Variants in FHOD3 observed in about 807,000 individuals in gnomAD.
The protein encoded by FHOD3 is FH1/FH2 domain-containing protein 3.
A neutral mutation model predicts 173.0 loss-of-function variants in FHOD3; 90 were observed. The observed-to-expected ratio is 0.52, with a 90% CI of 0.44 to 0.62. The LOEUF (loss-of-function observed/expected upper bound fraction) is 0.62, where lower values mean the gene tolerates loss of function less well. FHOD3 is among the 20% of genes least tolerant of loss of function. The pLI is 0.00. For synonymous variants in FHOD3, 828 were observed against 823.0 expected (o/e 1.01, Z -0.10); for missense variants, 1,945 against 2,034.7 (o/e 0.96, Z 0.85).
At chr18:36,492,521 A>T (rs2054522795) in intron 3 of FHOD3, among the ~76,000 whole-genome samples, 1 of 152,198 alleles carries the variant, frequency 6.6e-6, no homozygotes, top group Non-Finnish European at 1.5e-5. Context: ...AACGGCTGAG[A>T]CTGTTTTCAT....
intron 23 of FHOD3, among the ~76,000 whole-genome samples, chr18:36,745,579 A>G (rs2042111896): frequency 6.6e-6 from 1 of 152,078 alleles, no homozygotes; most frequent in Non-Finnish European, 1.5e-5. Context: ...GTGGGCCTGG[A>G]GGTCTGAAGT....
At chr18:36,630,599 A>G (rs1253077280) in intron 10 of FHOD3, among the ~76,000 whole-genome samples, 18 of 152,190 alleles carry the variant, frequency 1.2e-4, no homozygotes, top group African/African-American at 3.9e-4. Flanking sequence ...AGAGAGAACA[A>G]TGATTATATA....
At chr18:36,602,583 TG>T in intron 7 of FHOD3, 90 bp from the exon 8 acceptor site, 1 of 967,444 alleles carries the variant, frequency 1.0e-6, no homozygotes, top group Non-Finnish European at 1.7e-6. Context: ...CTGCCATCAC[TG>T]GATACGTCCT....
intron 5 of FHOD3, among the ~76,000 whole-genome samples, chr18:36,513,181 T>TA (rs59461055): frequency 0.021 from 2,943 of 141,810 alleles, 50 homozygotes; most frequent in African/African-American, 0.043. Context: ...TTTGATCCTG[T>TA]AAAAAAAAAA....
chr18:36,451,815 G>A (rs1201393858), intron 3 of FHOD3, among the ~76,000 whole-genome samples: 1 of 152,172 alleles, frequency 6.6e-6, no homozygotes, highest in Non-Finnish European at 1.5e-5. Flanking sequence ...GCTCCTGTTT[G>A]TCCGTCATGT....
chr18:36,642,339 G>C (rs9952541), intron 10 of FHOD3, among the ~76,000 whole-genome samples: 10,747 of 152,012 alleles, frequency 0.071, 645 homozygotes, highest in East Asian at 0.24. Flanking sequence ...CTAATTGTAG[G>C]CCAGGCGCAG....
chr18:36,661,118 G>T (rs998150132), intron 14 of FHOD3, among the ~76,000 whole-genome samples: 3 of 150,372 alleles, frequency 2.0e-5, no homozygotes, highest in Non-Finnish European at 4.4e-5. Context: ...TTTTGTAAGT[G>T]GGGGAAAAAA....
chr18:36,744,455 C>T (rs1360733793), intron 23 of FHOD3, among the ~76,000 whole-genome samples: 10 of 152,250 alleles, frequency 6.6e-5, no homozygotes, highest in East Asian at 5.8e-4. Flanking sequence ...CTAAACCCTG[C>T]GTCCACTGTT....
chr18:36,594,930 G>A, intron 7 of FHOD3, 32 bp downstream of exon 7: 1 of 1,423,872 alleles, frequency 7.0e-7, no homozygotes, highest in Non-Finnish European at 9.9e-7. Context: ...ATGTCATGAA[G>A]GTGAAGGTGT....
At chr18:36,770,176 C>T (rs937394369) in intron 28 of FHOD3, among the ~76,000 whole-genome samples, 1 of 152,204 alleles carries the variant, frequency 6.6e-6, no homozygotes, top group Non-Finnish European at 1.5e-5. Flanking sequence ...CAGAAGAGCA[C>T]TCAGCCAGCC....
chr18:36,426,515 G>A (rs1474403333), intron 3 of FHOD3, among the ~76,000 whole-genome samples: 2 of 152,200 alleles, frequency 1.3e-5, no homozygotes, highest in Admixed American at 6.5e-5. Context: ...CTGAGGAATT[G>A]TGGGGACTGG....
At chr18:36,377,208 G>A (rs966352899) in intron 3 of FHOD3, among the ~76,000 whole-genome samples, 6 of 152,148 alleles carry the variant, frequency 3.9e-5, no homozygotes, top group African/African-American at 1.4e-4. Context: ...ACCCTTTCCA[G>A]GTTCTGCCCT....
chr18:36,446,721 C>T (rs1308460419), intron 3 of FHOD3, among the ~76,000 whole-genome samples: 1 of 152,110 alleles, frequency 6.6e-6, no homozygotes, highest in Non-Finnish European at 1.5e-5. Context: ...TCTTGTTATC[C>T]CTCACCCCCA....
At chr18:36,542,916 A>G (rs1353944340) in intron 5 of FHOD3, among the ~76,000 whole-genome samples, 4 of 152,236 alleles carry the variant, frequency 2.6e-5, no homozygotes, top group African/African-American at 7.2e-5. Context: ...AGCTGGACCA[A>G]TGTCCCTAAA....
Position 36,742,873 on chromosome 18 carries a change from C to T in FHOD3, c.3879+17C>T. On this transcript the variant is annotated intron_variant, in intron 22 of 28. Transcript: ENST00000590592. The stretch of plus-strand genomic sequence containing the variant: ...GGAACTAATGTAAGTCATCCCCATC[C>T]CTCATCCTGTAGCCCCCCCTTGTCA... 1.2e-6 allele frequency: 2 copies of T among 1,605,118 alleles called. No homozygotes were observed. The highest frequency in any genetic ancestry group is 1.7e-6 in the Non-Finnish European group (2 of 1,176,848).
chr18:36,303,412 G>T (rs2092006928), intron 1 of FHOD3, among the ~76,000 whole-genome samples: 1 of 152,192 alleles, frequency 6.6e-6, no homozygotes, highest in Non-Finnish European at 1.5e-5. Context: ...TCACAGTGCT[G>T]TGATTTAAGT....
intron 3 of FHOD3, among the ~76,000 whole-genome samples, chr18:36,388,377 T>C (rs2048129021): frequency 6.6e-6 from 1 of 152,116 alleles, no homozygotes; most frequent in Non-Finnish European, 1.5e-5. Flanking sequence ...CCCAGTCCCA[T>C]GAGAAGGCCT....
chr18:36,501,833 C>G, intron 3 of FHOD3, 99 bp from the exon 4 acceptor site: 1 of 829,464 alleles, frequency 1.2e-6, no homozygotes, highest in Non-Finnish European at 1.9e-6. Context: ...CTTTCATTAC[C>G]TTTCCAGGGA....
intron 28 of FHOD3, among the ~76,000 whole-genome samples, chr18:36,777,349 G>A (rs1343295522): frequency 1.3e-5 from 2 of 151,840 alleles, no homozygotes; most frequent in African/African-American, 4.8e-5. Context: ...CTACAGATGT[G>A]TGCCACCATG....
Sources: allele counts gnomAD v4.1 joint callset (sites outside exome capture counted in the v4.1 genomes callset), GRCh38; gene constraint gnomAD v4.1.1; transcripts MANE v1.5; gene names NCBI Gene and HGNC (gene_info 2026-07-23, HGNC 2026-07-21).